The following TTF1 variants were observed in gnomAD, a reference collection of about 807,000 sequenced individuals.
TTF1 encodes the protein transcription termination factor, RNA polymerase I.
In TTF1, 64 loss-of-function variants were observed where a neutral mutation model predicts 80.2. The observed-to-expected ratio is 0.80, with a 90% CI of 0.65 to 0.98. The LOEUF (loss-of-function observed/expected upper bound fraction) is 0.98, where lower values mean the gene tolerates loss of function less well. Among genes scored for constraint, TTF1 ranks in the 50% least tolerant of loss-of-function variants. The probability of loss-of-function intolerance (pLI) is 0.00; values close to 1 mark genes in which losing one functional copy is unlikely to be tolerated. For missense variants in TTF1, 1,023 were observed against 1,086.2 expected, an observed-to-expected ratio of 0.94 and a Z score of 0.82; for synonymous variants, 372 against 382.7, an observed-to-expected ratio of 0.97 and a Z score of 0.33.
In TTF1 at chr9:132,401,579, C is replaced by CA; in HGVS notation, c.1242dup (p.Glu415Ter). 6.2e-7 allele frequency: 1 copy of CA among 1,614,114 alleles called. No individual in the cohort carries two copies. Among genetic ancestry groups the CA allele is most frequent in the Non-Finnish European group, 8.5e-7 (1 of 1,180,030 alleles). ...TCTACTGAATCAAAGAGTGTGCTCTCAGAGTTCTTACTGGGCACTGAAAAA... is the reference window on the plus strand; with the variant it reads ...TCTACTGAATCAAAGAGTGTGCTCTCAAGAGTTCTTACTGGGCACTGAAAAA... On this transcript the variant is annotated frameshift_variant, in exon 2 of 11. Coordinates refer to ENST00000334270, the MANE Select transcript of TTF1 (RefSeq NM_007344.4). LOFTEE classifies it high-confidence loss of function.
At chr9:132,377,730 G>A (rs1423168062) in intron 10 of TTF1, among the ~76,000 whole-genome samples, 849 of 116,392 alleles carry the variant, frequency 7.3e-3, no homozygotes, top group Middle Eastern at 0.042. Flanking sequence ...GTGTGTGTGA[G>A]TGCATGTGGT....
intron 7 of TTF1, among the ~76,000 whole-genome samples, chr9:132,388,502 G>A (rs937060957): frequency 2.6e-5 from 4 of 151,914 alleles, no homozygotes; most frequent in Non-Finnish European, 4.4e-5. Flanking sequence ...CACCACGCCC[G>A]GCTAATTTTT....
chr9:132,396,473 G>C lies in TTF1; in HGVS notation c.1816C>G (p.Arg606Gly), dbSNP rs1420639743. The C allele has an allele frequency of 6.2e-7, 1 of 1,614,094 alleles. No individual in the cohort carries two copies. Among genetic ancestry groups the C allele is most frequent in the South Asian group, 1.1e-5 (1 of 91,064 alleles). The change falls in exon 5 of 11, where the codon CGA becomes GGA. Residue 606 changes from arginine to glycine, a missense_variant. Transcript: ENST00000334270. ...TTGACATCGAACATCTTCTTTGCTC[G>C]ATAGTATATAAGTTTCCAGGGCCGG... is the stretch of plus-strand genomic sequence containing the variant. The part of the protein sequence containing the change: ...IARPWKLIYY[R>G]AKKMFDVNNY...
intron 9 of TTF1, among the ~76,000 whole-genome samples, chr9:132,385,906 A>G (rs1194520277): frequency 6.6e-6 from 1 of 152,236 alleles, no homozygotes; most frequent in African/African-American, 2.4e-5. Context: ...TGGATGCTCT[A>G]CCAGGCAAGG....
chr9:132,401,017 T>C (rs1284630225), intron 2 of TTF1, among the ~76,000 whole-genome samples: 1 of 152,212 alleles, frequency 6.6e-6, no homozygotes, highest in East Asian at 1.9e-4. Flanking sequence ...TACCTCTTGA[T>C]GATTTTTGCC....
At position 132,400,195 on chromosome 9, in the gene TTF1, T is replaced by G; in HGVS notation, c.1431A>C (p.Leu477Phe). Reference protein sequence around the residue: ...ETAEDSEIRYLSADSGDADDS... With the variant: ...ETAEDSEIRYFSADSGDADDS... ...CATCGGCATCTCCTGAATCTGCAGA[T>G]AAGTATCTTATTTCGGAATCTTCAG... The change falls in exon 3 of 11, where the codon TTA becomes TTC. Residue 477 changes from leucine (L) to phenylalanine (F), a missense_variant. Transcript: ENST00000334270. The G allele has an allele frequency of 6.2e-7, 1 of 1,614,246 alleles. No homozygotes were observed. The highest frequency in any genetic ancestry group is 1.1e-5 in the South Asian group (1 of 91,084).
At chr9:132,393,015 C>T (rs1197516686) in intron 5 of TTF1, among the ~76,000 whole-genome samples, 1 of 152,160 alleles carries the variant, frequency 6.6e-6, no homozygotes, top group Non-Finnish European at 1.5e-5. Context: ...GGACTAACTA[C>T]ATTTCAAATG....
rs374758340 is a variant in TTF1 at position 132,397,541 on chromosome 9, C to G, written c.1777+600G>C. ...GCGTATAAGGATGTGCTTTGTGTAG[C>G]GTACACAAAATATAAATAAGGAACA... On this transcript the variant is annotated intron_variant, in intron 4 of 10. Transcript: ENST00000334270. Among the ~76,000 whole-genome samples the G allele has an allele frequency of 2.6e-5, 4 of 152,212 alleles. No homozygotes were observed. The East Asian group carries it at 5.8e-4, about 22-fold the overall frequency.
chr9:132,393,480 G>A (rs143265692), intron 5 of TTF1, among the ~76,000 whole-genome samples: 58 of 152,398 alleles, frequency 3.8e-4, no homozygotes, highest in East Asian at 3.9e-4. Context: ...TCCTGCTGCA[G>A]TTAACTAGCC....
chr9:132,403,003 C>T (rs1434042797), intron 1 of TTF1, among the ~76,000 whole-genome samples, 175 bp from the exon 2 acceptor site: 6 of 152,238 alleles, frequency 3.9e-5, no homozygotes, highest in African/African-American at 1.4e-4. Flanking sequence ...CTACAGGCAC[C>T]CACCAGCACG....
At chr9:132,386,924 CAGTA>C (rs766661798) in intron 8 of TTF1, among the ~76,000 whole-genome samples, 3 of 152,220 alleles carry the variant, frequency 2.0e-5, no homozygotes, top group Admixed American at 6.5e-5. Context: ...CATAGACACA[CAGTA>C]AGAGGACATC....
Position 132,398,317 on chromosome 9 carries a change from A to T in TTF1, c.1601T>A (p.Ile534Asn). Residue 534 changes from isoleucine to asparagine, a missense_variant, in exon 4 of 11, where the codon ATT becomes AAT. By Grantham distance (149) the Ile-to-Asn change is moderately radical. Transcript: ENST00000334270. ...CTTTACAGAAAACTTGCCAAATTTA[A>T]TAGCGACACCTAGAATTGGGAAGGA... The part of the protein sequence containing the change: ...FKEFKAQGVA[I>N]KFGKFSVKEN... The T allele has an allele frequency of 6.2e-7, 1 of 1,605,736 alleles. No individual in the cohort carries two copies. The highest frequency in any genetic ancestry group is 8.5e-7 in the Non-Finnish European group (1 of 1,177,736).
intron 4 of TTF1, among the ~76,000 whole-genome samples, chr9:132,396,933 A>C: frequency 6.6e-6 from 1 of 151,904 alleles, no homozygotes; most frequent in Non-Finnish European, 1.5e-5. Flanking sequence ...GGCCAGGTTC[A>C]TTTGGTGGCC....
chr9:132,398,080 G>A, intron 4 of TTF1, 61 bp downstream of exon 4: 2 of 1,435,170 alleles, frequency 1.4e-6, no homozygotes, highest in Non-Finnish European at 1.9e-6. Flanking sequence ...CTTACCATGG[G>A]TTATCTTGTT....
chr9:132,403,201 G>A (rs1330011312), intron 1 of TTF1, among the ~76,000 whole-genome samples: 1 of 152,082 alleles, frequency 6.6e-6, no homozygotes, highest in East Asian at 1.9e-4. Context: ...AAAAATCACA[G>A]CAAAATGAAA....
chr9:132,383,008 G>A (rs1564183943), intron 9 of TTF1, among the ~76,000 whole-genome samples: 1 of 151,414 alleles, frequency 6.6e-6, no homozygotes, highest in Non-Finnish European at 1.5e-5. Flanking sequence ...GAGGTTGCAG[G>A]GAACCGAGAT....
intron 9 of TTF1, among the ~76,000 whole-genome samples, chr9:132,382,564 A>G (rs538390828): frequency 3.9e-5 from 6 of 152,290 alleles, no homozygotes; most frequent in South Asian, 4.1e-4. Context: ...ACATTCTACA[A>G]AACACCTAGC....
At chr9:132,388,102 G>T in intron 8 of TTF1, 37 bp downstream of exon 8, 1 of 1,525,582 alleles carries the variant, frequency 6.6e-7, no homozygotes. Flanking sequence ...GCTAGAGACA[G>T]AAACAGTTAA....
chr9:132,402,917 G>C, intron 1 of TTF1, 89 bp from the exon 2 acceptor site: 1 of 1,284,116 alleles, frequency 7.8e-7, no homozygotes, highest in Non-Finnish European at 1.1e-6. Flanking sequence ...GTGCAGTGGC[G>C]CGATCTCGGC....
Sources: allele counts gnomAD v4.1 joint callset (sites outside exome capture counted in the v4.1 genomes callset), GRCh38; gene constraint gnomAD v4.1.1; transcripts MANE v1.5; gene names NCBI Gene and HGNC (gene_info 2026-07-23, HGNC 2026-07-21).